Variants in NMD3 observed in about 807,000 individuals in gnomAD.
The protein encoded by NMD3 is 60S ribosomal export protein NMD3.
In NMD3, 47 loss-of-function variants were observed where a neutral mutation model predicts 73.1. The ratio of observed to expected loss-of-function variants is 0.64; its 90% CI spans 0.51 to 0.82. NMD3 has a LOEUF of 0.82. Ranked by LOEUF, NMD3 falls within the 40% of genes least tolerant of loss-of-function variation. The pLI, the probability that NMD3 is intolerant of heterozygous loss-of-function variation, is 0.00. For synonymous variants in NMD3, 210 were observed against 194.5 expected, an observed-to-expected ratio of 1.08 and a Z score of -0.66; for missense variants, 554 against 612.5, an observed-to-expected ratio of 0.90 and a Z score of 1.01.
chr3:161,241,264 T>C, intron 10 of NMD3, 101 bp downstream of exon 10: 2 of 753,062 alleles, frequency 2.7e-6, no homozygotes, highest in Admixed American at 4.9e-5. Flanking sequence ...AATATTGTTT[T>C]GAAAGGTTAG....
chr3:161,222,052 A>G lies in NMD3; in HGVS notation c.39A>G (p.Gly13=), dbSNP rs1472793133. ...CAGAATCCACCGACCGCAGCCCTGG[A>G]CACATGTGAGTGCGACACTTCTTCC... ...YMAESTDRSP[G]HILCCECGVP... The change falls in exon 2 of 16, where the codon GGA becomes GGG. Residue 13 remains glycine, a synonymous_variant. Transcript: ENST00000351193. 2 of 1,600,252 alleles carry G rather than the reference A, an allele frequency of 1.2e-6. No homozygotes were observed. Among genetic ancestry groups the G allele is most frequent in the Middle Eastern group, 1.7e-4 (1 of 6,022 alleles).
chr3:161,230,266 T>TTA (rs1736482126), intron 4 of NMD3, among the ~76,000 whole-genome samples: 1 of 152,074 alleles, frequency 6.6e-6, no homozygotes, highest in Non-Finnish European at 1.5e-5. Flanking sequence ...ACCTGGCTGA[T>TTA]TTTTATTTTT....
intron 10 of NMD3, among the ~76,000 whole-genome samples, chr3:161,242,108 T>C (rs4487256): frequency 0.13 from 19,496 of 152,032 alleles, 1,410 homozygotes; most frequent in East Asian, 0.24. Context: ...GTTAGCAATA[T>C]TGGGATGGAC....
chr3:161,235,067 A>T, intron 6 of NMD3, 55 bp from the exon 7 acceptor site: 1 of 950,344 alleles, frequency 1.1e-6, no homozygotes, highest in South Asian at 1.6e-5. Context: ...TGTGTCCTAT[A>T]CCTATAAATG....
At chr3:161,238,883 C>T in intron 9 of NMD3, 57 bp downstream of exon 9, 1 of 828,508 alleles carries the variant, frequency 1.2e-6, no homozygotes. Flanking sequence ...AATTAATTGG[C>T]TTATATGTAA....
intron 7 of NMD3, chr3:161,235,433 A>T: frequency 3.3e-6 from 1 of 304,218 alleles, no homozygotes; most frequent in Non-Finnish European, 6.2e-6. Flanking sequence ...GGCTAGAGCA[A>T]CTGAGAAACT....
intron 2 of NMD3, 86 bp downstream of exon 2, chr3:161,222,143 G>A: frequency 1.9e-6 from 2 of 1,053,414 alleles, no homozygotes; most frequent in Non-Finnish European, 2.9e-6. Context: ...GCTTGAGGGT[G>A]GGTGGGAAAG....
chr3:161,242,005 A>G (rs1352613428), intron 10 of NMD3, among the ~76,000 whole-genome samples: 1 of 151,986 alleles, frequency 6.6e-6, no homozygotes, highest in Non-Finnish European at 1.5e-5. Flanking sequence ...TTTCTGTAAT[A>G]TAAGTTTCCT....
Position 161,238,835 on chromosome 3 carries a change from C to G in NMD3, c.753+9C>G. The G allele has an allele frequency of 7.5e-7, 1 of 1,324,946 alleles. No homozygotes were observed. The highest frequency in any genetic ancestry group is 1.5e-5 in the African/African-American group (1 of 67,822). The allele number at this position is 1,324,946 out of a possible 1,614,324, so 82.1% of individuals were successfully genotyped here. On this transcript the variant is annotated intron_variant, in intron 9 of 15. Transcript: ENST00000351193. ...TTGTTCCAATATGCAAGGTACTTTT[C>G]TTTTTCATTTAATCCATATCTGTAA...
intron 4 of NMD3, among the ~76,000 whole-genome samples, chr3:161,231,014 T>C (rs1736522125): frequency 6.6e-6 from 1 of 152,188 alleles, no homozygotes; most frequent in Non-Finnish European, 1.5e-5. Context: ...CACTGTGGTG[T>C]GCATCTATTT....
At chr3:161,245,504 A>G (rs887387861) in intron 11 of NMD3, among the ~76,000 whole-genome samples, 5 of 151,770 alleles carry the variant, frequency 3.3e-5, no homozygotes, top group African/African-American at 1.2e-4. Flanking sequence ...CTTGTCTTTT[A>G]TTTCAGTTTC....
At chr3:161,244,790 T>A (rs548570484) in intron 11 of NMD3, among the ~76,000 whole-genome samples, 1 of 152,174 alleles carries the variant, frequency 6.6e-6, no homozygotes, top group South Asian at 2.1e-4. Context: ...CTCATTTCTA[T>A]TTTTTAATTT....
chr3:161,221,721 C>G (rs1287339260), intron 1 of NMD3: 2 of 278,232 alleles, frequency 7.2e-6, no homozygotes, highest in Non-Finnish European at 6.8e-6. Context: ...GGGTTGGAGC[C>G]CAGGTGAGAT....
At chr3:161,245,100 T>G (rs1372555459) in intron 11 of NMD3, among the ~76,000 whole-genome samples, 2 of 151,894 alleles carry the variant, frequency 1.3e-5, no homozygotes, top group African/African-American at 4.8e-5. Flanking sequence ...AAGTCTGGCT[T>G]CTTTTACTGT....
intron 10 of NMD3, among the ~76,000 whole-genome samples, chr3:161,241,530 C>T (rs1160100480): frequency 6.6e-6 from 1 of 151,166 alleles, no homozygotes; most frequent in Non-Finnish European, 1.5e-5. Context: ...AAGCTATTCT[C>T]CTGCTGCAGC....
chr3:161,249,641 G>T, intron 14 of NMD3, 81 bp downstream of exon 14: 3 of 865,750 alleles, frequency 3.5e-6, no homozygotes. Context: ...AAAGAAATAG[G>T]CATCACACAA....
chr3:161,252,904 G>GCC (rs1737544913), downstream of NMD3: 2 of 610,372 alleles, frequency 3.3e-6, no homozygotes, highest in Non-Finnish European at 5.9e-6. Context: ...TTCAAGACCA[G>GCC]CCTGGCCAAC....
chr3:161,232,926 T>C (rs1305501906), intron 4 of NMD3, among the ~76,000 whole-genome samples: 1 of 152,158 alleles, frequency 6.6e-6, no homozygotes. Context: ...TAGTGAGTTA[T>C]AGTTGTGGAT....
In NMD3 at chr3:161,251,107, A is replaced by T. The variant is rs1737470180; in HGVS notation, c.*197A>T. The T allele has an allele frequency of 2.3e-6, 1 of 437,538 alleles. No homozygotes were observed. Among genetic ancestry groups the T allele is most frequent in the Non-Finnish European group, 4.1e-6 (1 of 243,422 alleles). 27.1% of individuals were successfully genotyped at this position (437,538 alleles called of 1,614,324 possible). A position where few individuals can be genotyped will look rare whatever the true frequency, so the allele number is the denominator to read the frequency against. ...TTGAGGTTTTAGATAAGGAAAGATT[A>T]TGGAGAATGTAGTTGTTATTGATTT... On this transcript the variant is annotated 3_prime_UTR_variant, in exon 16 of 16. Coordinates refer to ENST00000351193, the MANE Select transcript of NMD3 (RefSeq NM_015938.5).
Sources: gnomAD v4.1 joint callset for allele counts (sites outside exome capture counted in the v4.1 genomes callset) on GRCh38, gnomAD v4.1.1 for gene constraint, MANE v1.5 for transcripts, NCBI Gene and HGNC (gene_info 2026-07-23, HGNC 2026-07-21) for gene names.